Variants in NSG2 observed in about 807,000 individuals in gnomAD.
NSG2 encodes neuronal vesicle trafficking associated 2, also known as neuronal vesicle trafficking-associated protein 2.
In NSG2, 4 loss-of-function variants were observed where a neutral mutation model predicts 16.9. The observed-to-expected ratio is 0.24, with a 90% CI of 0.12 to 0.54. The LOEUF (loss-of-function observed/expected upper bound fraction) is 0.54. Ranked by LOEUF, NSG2 falls within the 20% of genes least tolerant of loss-of-function variation. NSG2 has a pLI of 0.95. For missense variants in NSG2, 179 were observed against 221.1 expected (o/e 0.81, Z 1.21); for synonymous variants, 98 against 88.7 (o/e 1.11, Z -0.59).
intron 2 of NSG2, among the ~76,000 whole-genome samples, chr5:174,060,796 T>C (rs1456490461): frequency 1.3e-5 from 2 of 152,226 alleles, no homozygotes; most frequent in African/African-American, 4.8e-5. Context: ...GGCTCTTGGT[T>C]GAGGGTTGCC....
At chr5:174,081,041 A>G (rs550522686) in intron 3 of NSG2, among the ~76,000 whole-genome samples, 1 of 151,228 alleles carries the variant, frequency 6.6e-6, no homozygotes, top group African/African-American at 2.4e-5. Flanking sequence ...TTGTTTTTTA[A>G]CTGGGTATTA....
intron 3 of NSG2, among the ~76,000 whole-genome samples, chr5:174,066,798 G>A (rs1203161718): frequency 6.6e-6 from 1 of 151,698 alleles, no homozygotes; most frequent in Non-Finnish European, 1.5e-5. Flanking sequence ...AGACCGTCCC[G>A]GCTAAAACGG....
At chr5:174,097,737 GTGTC>G (rs1430289578) in intron 3 of NSG2, among the ~76,000 whole-genome samples, 3 of 150,592 alleles carry the variant, frequency 2.0e-5, no homozygotes, top group Admixed American at 6.6e-5. Context: ...GTGTGTCTCT[GTGTC>G]TGTGTGTGTG....
At chr5:174,077,033 T>G (rs572444940) in intron 3 of NSG2, among the ~76,000 whole-genome samples, 8 of 151,810 alleles carry the variant, frequency 5.3e-5, no homozygotes, top group Non-Finnish European at 1.2e-4. Flanking sequence ...CTTAGAAAAA[T>G]TAGAAAAGGT....
At chr5:174,049,174 C>T (rs1168901432) in intron 2 of NSG2, among the ~76,000 whole-genome samples, 1 of 152,076 alleles carries the variant, frequency 6.6e-6, no homozygotes, top group Non-Finnish European at 1.5e-5. Context: ...CGCGTCTCTA[C>T]TAAAAATACA....
intron 3 of NSG2, among the ~76,000 whole-genome samples, chr5:174,081,842 A>G (rs1438517850): frequency 6.8e-6 from 1 of 146,720 alleles, no homozygotes; most frequent in East Asian, 2.1e-4. Flanking sequence ...GTGAGCCAAG[A>G]TGGCACCACT....
intron 3 of NSG2, among the ~76,000 whole-genome samples, chr5:174,097,257 T>G (rs559955122): frequency 5.9e-5 from 9 of 152,160 alleles, no homozygotes; most frequent in African/African-American, 2.2e-4. Context: ...GAATCTTGGG[T>G]GCATCTTCAT....
At chr5:174,069,170 G>A (rs1401790113) in intron 3 of NSG2, among the ~76,000 whole-genome samples, 1 of 151,916 alleles carries the variant, frequency 6.6e-6, no homozygotes, top group Admixed American at 6.6e-5. Context: ...TGCTGTGGAG[G>A]GTGCTTGTAT....
intron 3 of NSG2, among the ~76,000 whole-genome samples, chr5:174,102,971 T>G (rs1760924287): frequency 6.9e-6 from 1 of 144,548 alleles, no homozygotes; most frequent in Non-Finnish European, 1.5e-5. Flanking sequence ...GTATTTTTAG[T>G]AGAGATGGGC....
intron 3 of NSG2, among the ~76,000 whole-genome samples, chr5:174,089,619 G>A (rs1460013618): frequency 6.6e-6 from 1 of 152,066 alleles, no homozygotes; most frequent in Non-Finnish European, 1.5e-5. Context: ...GAGTTTGTGG[G>A]GATTTTGTTG....
At chr5:174,096,989 T>C (rs1009994164) in intron 3 of NSG2, among the ~76,000 whole-genome samples, 6 of 152,192 alleles carry the variant, frequency 3.9e-5, no homozygotes, top group Admixed American at 2.6e-4. Context: ...TCTCAGAGCC[T>C]CACTTTCTCC....
chr5:174,067,953 G>T (rs944089589), intron 3 of NSG2, among the ~76,000 whole-genome samples: 1 of 152,132 alleles, frequency 6.6e-6, no homozygotes, highest in Non-Finnish European at 1.5e-5. Flanking sequence ...TGGGTGGGGA[G>T]GGGGAAGACA....
intron 3 of NSG2, among the ~76,000 whole-genome samples, chr5:174,083,251 A>C (rs940965744): frequency 6.6e-6 from 1 of 152,238 alleles, no homozygotes; most frequent in Non-Finnish European, 1.5e-5. Context: ...GCCCAGGGCC[A>C]GCGAAGGGCT....
intron 2 of NSG2, among the ~76,000 whole-genome samples, chr5:174,052,476 CCT>C (rs1471079980): frequency 6.6e-6 from 1 of 152,120 alleles, no homozygotes; most frequent in Non-Finnish European, 1.5e-5. Context: ...TGGCTGATCC[CCT>C]CTCTTGCCTA....
chr5:174,057,485 A>G (rs1341994870), intron 2 of NSG2, among the ~76,000 whole-genome samples: 1 of 147,110 alleles, frequency 6.8e-6, no homozygotes, highest in Non-Finnish European at 1.5e-5. Flanking sequence ...CACAGGAACA[A>G]AACACTAAGC....
intron 3 of NSG2, among the ~76,000 whole-genome samples, chr5:174,095,578 T>C (rs1041541822): frequency 6.6e-6 from 1 of 152,192 alleles, no homozygotes; most frequent in African/African-American, 2.4e-5. Context: ...GCCTGCATAA[T>C]CCAGGATGAT....
chr5:174,100,088 C>A (rs142544355), intron 3 of NSG2, among the ~76,000 whole-genome samples: 1 of 152,360 alleles, frequency 6.6e-6, no homozygotes, highest in African/African-American at 2.4e-5. Flanking sequence ...AAGACAGCCT[C>A]CATTGAGCCT....
chr5:174,098,741 T>G (rs1760848699), intron 3 of NSG2, among the ~76,000 whole-genome samples: 2 of 152,148 alleles, frequency 1.3e-5, no homozygotes, highest in African/African-American at 4.8e-5. Flanking sequence ...AGCATCCGGC[T>G]CACAGTAGGC....
At chr5:174,088,390 C>G (rs1053004294) in intron 3 of NSG2, among the ~76,000 whole-genome samples, 2 of 152,186 alleles carry the variant, frequency 1.3e-5, no homozygotes, top group African/African-American at 4.8e-5. Context: ...CAGCCTCATT[C>G]CAGTATTTCA....
Sources: gnomAD v4.1 joint callset for allele counts (sites outside exome capture counted in the v4.1 genomes callset) on GRCh38, gnomAD v4.1.1 for gene constraint, MANE v1.5 for transcripts, NCBI Gene and HGNC (gene_info 2026-07-23, HGNC 2026-07-21) for gene names.